Variants in IQSEC3 observed in about 807,000 individuals in gnomAD.
IQSEC3 encodes IQ motif and SEC7 domain-containing protein 3.
In IQSEC3, 50 loss-of-function variants were observed where a neutral mutation model predicts 105.4. The observed-to-expected ratio is 0.47, with a 90% CI of 0.38 to 0.60. The LOEUF (loss-of-function observed/expected upper bound fraction) is 0.60. IQSEC3 is among the 20% of genes least tolerant of loss of function. IQSEC3 has a pLI of 0.00. For missense variants in IQSEC3, 1,415 were observed against 1,630.0 expected, an observed-to-expected ratio of 0.87 and a Z score of 2.27; for synonymous variants, 708 against 746.0, an observed-to-expected ratio of 0.95 and a Z score of 0.83.
In IQSEC3 at chr12:171,145, C is replaced by A. The variant is rs781803323; in HGVS notation, c.3098C>A (p.Ala1033Glu). 8.1e-6 allele frequency: 13 copies of A among 1,614,044 alleles called. No homozygotes were observed. The highest frequency in any genetic ancestry group is 1.1e-5 in the Non-Finnish European group (13 of 1,179,980). ...GAAGCCGCGCTCAGGGAGAGGCCGG[C>A]GGAGAGCACGGTGGAGGTAAGTGGA... ...KREAALRERP[A>E]ESTVEVSIHN... The change falls in exon 13 of 14, where the codon GCG becomes GAG. Residue 1033 changes from alanine to glutamate, a missense_variant. Physicochemically the swap from Ala to Glu is moderately radical, Grantham distance 107. This residue lies in a region of IQSEC3 where 419 missense variants were observed against 436.2 expected (regional missense o/e 0.96). Coordinates refer to ENST00000538872, the MANE Select transcript of IQSEC3 (RefSeq NM_001170738.2).
intron 7 of IQSEC3, among the ~76,000 whole-genome samples, chr12:160,193 T>C (rs1178068060): frequency 1.3e-5 from 2 of 151,608 alleles, no homozygotes; most frequent in African/African-American, 2.4e-5. Flanking sequence ...TTTTCCCCCA[T>C]ATTTCTTTCT....
chr12:173,380 T>C (rs1939108848), intron 13 of IQSEC3, among the ~76,000 whole-genome samples: 3 of 152,290 alleles, frequency 2.0e-5, no homozygotes. Context: ...CTGCGGAGCC[T>C]CGGGAGGGAA....
intron 11 of IQSEC3, chr12:167,813 CA>C (rs1392359855): frequency 6.6e-6 from 1 of 152,202 alleles, no homozygotes; most frequent in Non-Finnish European, 1.5e-5. Flanking sequence ...AGTAAGGAAA[CA>C]GGCTAAAAGC....
chr12:108,986 G>A (rs57761043), intron 2 of IQSEC3, among the ~76,000 whole-genome samples: 12,135 of 152,256 alleles, frequency 0.08, 737 homozygotes, highest in African/African-American at 0.16. Context: ...GTGGCTTTTC[G>A]TCAGCTGCAA....
At chr12:130,057 G>A (rs782627148) in intron 3 of IQSEC3, among the ~76,000 whole-genome samples, 1 of 152,216 alleles carries the variant, frequency 6.6e-6, no homozygotes, top group Non-Finnish European at 1.5e-5. Context: ...GGACAGTGGT[G>A]AGGACAGGGC....
chr12:95,474 G>C (rs1179209236), intron 1 of IQSEC3, among the ~76,000 whole-genome samples: 1 of 152,148 alleles, frequency 6.6e-6, no homozygotes, highest in African/African-American at 2.4e-5. Context: ...TTCATATTCA[G>C]TTTTAATGGA....
chr12:80,410 C>A (rs782681695), intron 1 of IQSEC3, among the ~76,000 whole-genome samples: 1 of 152,124 alleles, frequency 6.6e-6, no homozygotes, highest in Non-Finnish European at 1.5e-5. Context: ...CTTCCTGAAC[C>A]GATCTGATAA....
At chr12:140,859 C>T (rs1865989738) in intron 4 of IQSEC3, 4 of 434,764 alleles carry the variant, frequency 9.2e-6, no homozygotes, top group Non-Finnish European at 1.2e-5. Context: ...GGGTAAGACC[C>T]AGGAGGCAGG....
In IQSEC3 at chr12:99,989, A is replaced by G. The variant is rs77753023; in HGVS notation, c.623+775A>G. ...TCTCTCTCACTCTTTTCTCTTTTCCACCAGTTTGTCTGTCTCCATTCTGCA... is the reference window on the plus strand; with the variant it reads ...TCTCTCTCACTCTTTTCTCTTTTCCGCCAGTTTGTCTGTCTCCATTCTGCA... On this transcript the variant is annotated intron_variant, in intron 2 of 13. Transcript: ENST00000538872. 5.5e-3 allele frequency among the ~76,000 whole-genome samples: 703 copies of G among 127,846 alleles called. 7 individuals are homozygous for G. Among genetic ancestry groups the G allele is most frequent in the African/African-American group, 0.02 (659 of 32,582 alleles). 83.9% of individuals were successfully genotyped at this position (127,846 alleles called of 152,430 possible).
intron 1 of IQSEC3, among the ~76,000 whole-genome samples, chr12:68,869 C>T (rs1863199570): frequency 6.6e-6 from 1 of 152,258 alleles, no homozygotes; most frequent in South Asian, 2.1e-4. Context: ...GAAGGTCTAA[C>T]ATGATCTGGC....
Position 138,864 on chromosome 12 carries a change from T to G in IQSEC3, c.1501T>G (p.Ser501Ala). ...CGCCAACCAGAACATATCCGTCTCC[T>G]CCTCCACGGCTCTGTCGGTGGCCAA... ...QIANQNISVS[S>A]STALSVANCL... Residue 501 changes from serine to alanine, a missense_variant, in exon 4 of 14, where the codon TCC becomes GCC. Ser to Ala is a moderately conservative substitution (Grantham distance 99, BLOSUM62 1). Transcript: ENST00000538872. The surrounding 1 kb of genome is among the most constrained non-coding windows in gnomAD (Gnocchi z 7.1). The G allele has an allele frequency of 6.2e-7, 1 of 1,611,924 alleles. No individual in the cohort carries two copies. The highest frequency in any genetic ancestry group is 1.3e-5 in the African/African-American group (1 of 74,790).
At chr12:83,179 T>C (rs1555071131) in intron 1 of IQSEC3, among the ~76,000 whole-genome samples, 1 of 152,116 alleles carries the variant, frequency 6.6e-6, no homozygotes, top group East Asian at 1.9e-4. Flanking sequence ...GAGCGTGGCA[T>C]TGTCATTTAG....
chr12:111,300 C>T (rs1318738253), intron 2 of IQSEC3, among the ~76,000 whole-genome samples: 1 of 152,168 alleles, frequency 6.6e-6, no homozygotes, highest in African/African-American at 2.4e-5. Flanking sequence ...CAAAGGTTGA[C>T]GAATGGGCTT....
chr12:136,916 C>T (rs537732879), intron 3 of IQSEC3, among the ~76,000 whole-genome samples: 1 of 152,184 alleles, frequency 6.6e-6, no homozygotes, highest in Non-Finnish European at 1.5e-5. Context: ...AAAGTGAGAG[C>T]GTAGCAACCT....
chr12:98,261 T>A (rs910064261), intron 1 of IQSEC3, among the ~76,000 whole-genome samples: 11 of 152,264 alleles, frequency 7.2e-5, no homozygotes, highest in Middle Eastern at 3.4e-3. Context: ...ATTTTAGAGG[T>A]GGAAGGGACC....
intron 3 of IQSEC3, among the ~76,000 whole-genome samples, chr12:133,930 G>A (rs1865675558): frequency 6.6e-6 from 1 of 152,102 alleles, no homozygotes. Context: ...TGAGGCAGAG[G>A]TTATTGTTCT....
chr12:124,873 A>G (rs1555082742), intron 2 of IQSEC3, among the ~76,000 whole-genome samples: 1 of 152,192 alleles, frequency 6.6e-6, no homozygotes, highest in Non-Finnish European at 1.5e-5. Flanking sequence ...AGTAGGCAGG[A>G]GGGCTGCAGC....
At chr12:170,392 C>T (rs995176402) in intron 12 of IQSEC3, among the ~76,000 whole-genome samples, 1 of 152,206 alleles carries the variant, frequency 6.6e-6, no homozygotes, top group Non-Finnish European at 1.5e-5. Flanking sequence ...GTCCCCTCCA[C>T]AGCGGGGTCT....
rs537535557 is a variant in IQSEC3 at position 84,863 on chromosome 12, G to A, written c.555-14283G>A. Among the ~76,000 whole-genome samples, 337 of 152,204 alleles carry A rather than the reference G, an allele frequency of 2.2e-3. 2 individuals carry two copies. Among genetic ancestry groups the A allele is most frequent in the African/African-American group, 7.0e-3 (292 of 41,532 alleles). On this transcript the variant is annotated intron_variant, in intron 1 of 13. Transcript: ENST00000538872. The stretch of plus-strand genomic sequence containing the variant: ...TCAAGAGTCTGACTGTGCTATGAAG[G>A]GCAAGATCAAGGCTCTTCCACTCAC...
Sources: gnomAD v4.1 joint callset for allele counts (sites outside exome capture counted in the v4.1 genomes callset) on GRCh38, gnomAD v4.1.1 for gene constraint, gnomAD v4.1.1 regional missense constraint, Gnocchi (gnomAD v3.1) non-coding constraint, MANE v1.5 for transcripts, NCBI Gene and HGNC (gene_info 2026-07-23, HGNC 2026-07-21) for gene names.